The following SLC33A1 variants were observed in gnomAD, a reference collection of about 807,000 sequenced individuals.
The protein encoded by SLC33A1 is acetyl-coenzyme A transporter 1.
SLC33A1 carries 20 observed loss-of-function variants against 50.0 expected under a neutral mutation model. That is an observed-to-expected ratio of 0.40 (90% CI 0.28 to 0.58). The LOEUF is 0.58. Ranked by LOEUF, SLC33A1 falls within the 20% of genes least tolerant of loss-of-function variation. The probability of loss-of-function intolerance (pLI) is 0.44; values close to 1 mark genes in which losing one functional copy is unlikely to be tolerated. For synonymous variants in SLC33A1, 265 were observed against 251.8 expected (o/e 1.05, Z -0.50); for missense variants, 476 against 657.0 (o/e 0.72, Z 3.01).
At position 155,828,162 on chromosome 3, in the gene SLC33A1, T is replaced by G; in HGVS notation, c.*48A>C. On this transcript the variant is annotated 3_prime_UTR_variant, in exon 6 of 6. Coordinates refer to ENST00000643144, the MANE Select transcript of SLC33A1 (RefSeq NM_004733.4). The stretch of plus-strand genomic sequence containing the variant: ...CACTGATTATCATTGCTCTCCGAAT[T>G]AAAACTAAACTACAATTACCTTGCT... 7.2e-7 allele frequency: 1 copy of G among 1,379,564 alleles called. No individual in the cohort carries two copies. Among genetic ancestry groups the G allele is most frequent in the Non-Finnish European group, 1.0e-6 (1 of 966,118 alleles). 85.5% of individuals were successfully genotyped at this position (1,379,564 alleles called of 1,614,324 possible).
Position 155,834,050 on chromosome 3 carries a change from T to C in SLC33A1, c.964-9A>G. On this transcript the variant is annotated splice_polypyrimidine_tract_variant and intron_variant, in intron 2 of 5. Transcript: ENST00000643144. ...GCTGCTGAAAAACCAATCTGCAATATAAAAACAAAAAAGTATTTTAATTCG... is the reference window on the plus strand; with the variant it reads ...GCTGCTGAAAAACCAATCTGCAATACAAAAACAAAAAAGTATTTTAATTCG... The C allele has an allele frequency of 6.2e-7, 1 of 1,610,952 alleles. No individual in the cohort carries two copies. The highest frequency in any genetic ancestry group is 8.5e-7 in the Non-Finnish European group (1 of 1,177,608).
rs144534117 is a variant in SLC33A1, at chr3:155,829,930, G to A, written c.1267-27C>T. 224 of 1,396,404 alleles carry A rather than the reference G, an allele frequency of 1.6e-4. No individual in the cohort carries two copies. In the African/African-American group the frequency reaches 2.7e-3, roughly 17 times the overall value. The allele number at this position is 1,396,404 out of a possible 1,614,324, so 86.5% of individuals were successfully genotyped here. A position where few individuals can be genotyped will look rare whatever the true frequency, so the allele number is the denominator to read the frequency against. ...TACGGAAAAATGTAAAACATCTTTAGTATGATTATAAAGCTTATAAAGCTA... is the reference window on the plus strand; with the variant it reads ...TACGGAAAAATGTAAAACATCTTTAATATGATTATAAAGCTTATAAAGCTA... On this transcript the variant is annotated intron_variant, in intron 4 of 5. Coordinates refer to ENST00000643144, the MANE Select transcript of SLC33A1 (RefSeq NM_004733.4).
rs1752097562 is a variant in SLC33A1, at chr3:155,821,767, CAT to C, written c.*6441_*6442del. 1 of 127,266 alleles carries C rather than the reference CAT, an allele frequency of 7.9e-6. No individual in the cohort carries two copies. Among genetic ancestry groups the C allele is most frequent in the Middle Eastern group, 3.9e-3 (1 of 254 alleles). 7.9% of individuals were successfully genotyped at this position (127,266 alleles called of 1,614,324 possible). ...AGACGTGAGCCACTGGACCCGGCCG[CAT>C]TTTTTTTTTTTTTTTTTAATTGAGA... On this transcript the variant is annotated 3_prime_UTR_variant, in exon 6 of 6. Transcript: ENST00000643144.
intron 5 of SLC33A1, among the ~76,000 whole-genome samples, chr3:155,829,381 T>C (rs1752316329): frequency 6.6e-6 from 1 of 152,192 alleles, no homozygotes. Context: ...TTTCTATCAC[T>C]ACAAAACTTA....
intron 3 of SLC33A1, 41 bp downstream of exon 3, chr3:155,833,816 T>C: frequency 6.8e-7 from 1 of 1,477,232 alleles, no homozygotes; most frequent in Non-Finnish European, 9.5e-7. Context: ...TGTTCCTCAT[T>C]TTACCCTTTC....
At chr3:155,848,211 T>C (rs554925331) in intron 1 of SLC33A1, among the ~76,000 whole-genome samples, 2 of 152,256 alleles carry the variant, frequency 1.3e-5, no homozygotes, top group South Asian at 2.1e-4. Flanking sequence ...TTATAACGCA[T>C]TGCAGCCTCG....
chr3:155,850,296 C>T (rs150015711), intron 1 of SLC33A1, among the ~76,000 whole-genome samples: 387 of 151,878 alleles, frequency 2.5e-3, no homozygotes, highest in African/African-American at 9.0e-3. Context: ...CGTGAGCCAA[C>T]GCGCCCAGCC....
At chr3:155,837,853 T>TA (rs927306788) in intron 2 of SLC33A1, among the ~76,000 whole-genome samples, 188 of 152,246 alleles carry the variant, frequency 1.2e-3, no homozygotes, top group African/African-American at 4.3e-3. Flanking sequence ...GATATGTTAT[T>TA]AGGGGGGAAG....
At chr3:155,841,141 C>A (rs1280712840) in intron 2 of SLC33A1, among the ~76,000 whole-genome samples, 1 of 151,946 alleles carries the variant, frequency 6.6e-6, no homozygotes, top group Non-Finnish European at 1.5e-5. Context: ...CCATGGCTCA[C>A]TGCAAACTCC....
rs1488903408 is a variant in SLC33A1 at position 155,826,270 on chromosome 3, C to G, written c.*1940G>C. The G allele has an allele frequency of 6.6e-6, 1 of 151,804 alleles. No individual in the cohort carries two copies. The highest frequency in any genetic ancestry group is 6.6e-5 in the Admixed American group (1 of 15,194). The allele number at this position is 151,804 out of a possible 1,614,324, so 9.4% of individuals were successfully genotyped here. ...GGTGTGGTGGTGTGCGCCTGTAGTC[C>G]CAGCTACTCAGAGGACTGGGGCAGG... On this transcript the variant is annotated 3_prime_UTR_variant, in exon 6 of 6. Transcript: ENST00000643144.
Position 155,826,541 on chromosome 3 carries a change from T to C in SLC33A1, c.*1669A>G, listed in dbSNP as rs1430669453. The C allele has an allele frequency of 6.6e-6, 1 of 152,202 alleles. No individual in the cohort carries two copies. Among genetic ancestry groups the C allele is most frequent in the Non-Finnish European group, 1.5e-5 (1 of 68,028 alleles). The allele number at this position is 152,202 out of a possible 1,614,324, so 9.4% of individuals were successfully genotyped here. A position where few individuals can be genotyped will look rare whatever the true frequency, so the allele number is the denominator to read the frequency against. ...TATGTAAGAGTTAAGTGGTTTTTTTTCTTTATTCAAGTAATCATTTAGACT... is the reference window on the plus strand; with the variant it reads ...TATGTAAGAGTTAAGTGGTTTTTTTCCTTTATTCAAGTAATCATTTAGACT... On this transcript the variant is annotated 3_prime_UTR_variant, in exon 6 of 6. Transcript: ENST00000643144.
At chr3:155,845,161 A>T (rs996726652) in intron 1 of SLC33A1, 1 of 152,214 alleles carries the variant, frequency 6.6e-6, no homozygotes. Context: ...TATAAGACTT[A>T]AGTAGTTCCA....
chr3:155,844,412 T>C (rs779895675), intron 1 of SLC33A1, among the ~76,000 whole-genome samples: 1 of 139,806 alleles, frequency 7.2e-6, no homozygotes. Context: ...AATTTTACAC[T>C]GCCTACATAA....
rs866850376 is a variant in SLC33A1 at position 155,853,315 on chromosome 3, C to G, written c.683G>C (p.Gly228Ala). Residue 228 changes from glycine to alanine, a missense_variant, in exon 1 of 6, where the codon GGC becomes GCC. Gly to Ala is a moderately conservative substitution (Grantham distance 60, BLOSUM62 0). Coordinates refer to ENST00000643144, the MANE Select transcript of SLC33A1 (RefSeq NM_004733.4). ...SVGQTAGYFL[G>A]NVLFLALESA... ...TTCAAGGGCCAAAAACAAAACATTG[C>G]CCAAAAAGTAACCCGCTGTTTGGCC... 1.9e-6 allele frequency: 3 copies of G among 1,613,964 alleles called. No individual in the cohort carries two copies. Among genetic ancestry groups the G allele is most frequent in the Non-Finnish European group, 2.5e-6 (3 of 1,179,984 alleles).
Position 155,827,126 on chromosome 3 carries a change from A to G in SLC33A1, c.*1084T>C, listed in dbSNP as rs1322105594. The G allele has an allele frequency of 6.6e-6, 1 of 152,236 alleles. No individual in the cohort carries two copies. Among genetic ancestry groups the G allele is most frequent in the Admixed American group, 6.5e-5 (1 of 15,274 alleles). The allele number at this position is 152,236 out of a possible 1,614,324, so 9.4% of individuals were successfully genotyped here. A position where few individuals can be genotyped will look rare whatever the true frequency, so the allele number is the denominator to read the frequency against. ...ATGAAAATACAGTACCTGATTTGGC[A>G]TAAATTGTGAGATCTTTTTCACTAG... On this transcript the variant is annotated 3_prime_UTR_variant, in exon 6 of 6. Transcript: ENST00000643144.
intron 2 of SLC33A1, among the ~76,000 whole-genome samples, chr3:155,840,754 C>T (rs1304785628): frequency 6.6e-6 from 1 of 152,086 alleles, no homozygotes; most frequent in Non-Finnish European, 1.5e-5. Context: ...GTGGAGGTTG[C>T]AGTAAGCCGA....
intron 4 of SLC33A1, among the ~76,000 whole-genome samples, chr3:155,831,087 G>A (rs1025656194): frequency 2.0e-5 from 3 of 152,052 alleles, no homozygotes; most frequent in African/African-American, 7.2e-5. Flanking sequence ...TTGAGGGCAG[G>A]GATTTGGGCA....
At position 155,854,092 on chromosome 3, in the gene SLC33A1, G is replaced by A; in HGVS notation, c.-95C>T. Reference sequence around the variant, plus strand: ...GTCCAAGGCTGTCGCGCTGGACCAGGGTTTCGGTGGTTCACGGGATGGTGG... The same window carrying A: ...GTCCAAGGCTGTCGCGCTGGACCAGAGTTTCGGTGGTTCACGGGATGGTGG... On this transcript the variant is annotated 5_prime_UTR_variant, in exon 1 of 6. Transcript: ENST00000643144. 1 of 1,000,346 alleles carries A rather than the reference G, an allele frequency of 1.0e-6. No individual in the cohort carries two copies. Among genetic ancestry groups the A allele is most frequent in the Non-Finnish European group, 1.4e-6 (1 of 695,616 alleles). The allele number at this position is 1,000,346 out of a possible 1,614,324, so 62.0% of individuals were successfully genotyped here.
chr3:155,833,672 G>A (rs1752540459), intron 3 of SLC33A1, 87 bp from the exon 4 acceptor site: 1 of 973,044 alleles, frequency 1.0e-6, no homozygotes, highest in Admixed American at 1.7e-5. Flanking sequence ...CCTACCATAT[G>A]AAAGAAGCTG....
Sources: gnomAD v4.1 joint callset for allele counts (sites outside exome capture counted in the v4.1 genomes callset) on GRCh38, gnomAD v4.1.1 for gene constraint, MANE v1.5 for transcripts, NCBI Gene and HGNC (gene_info 2026-07-23, HGNC 2026-07-21) for gene names.